The following METTL16 variants were observed in gnomAD, a reference collection of about 807,000 sequenced individuals.
METTL16 encodes methyltransferase 16, RNA N6-adenosine.
In METTL16, 19 loss-of-function variants were observed where a neutral mutation model predicts 57.9. The observed-to-expected ratio is 0.33, with a 90% CI of 0.23 to 0.48. The LOEUF is 0.48. Ranked by LOEUF, METTL16 falls within the 20% of genes least tolerant of loss-of-function variation. The pLI is 0.99. For missense variants in METTL16, 434 were observed against 691.5 expected, an observed-to-expected ratio of 0.63 and a Z score of 4.18; for synonymous variants, 246 against 255.6, an observed-to-expected ratio of 0.96 and a Z score of 0.36.
intron 6 of METTL16, among the ~76,000 whole-genome samples, chr17:2,455,685 G>A (rs1406002043): frequency 6.6e-6 from 1 of 152,052 alleles, no homozygotes; most frequent in East Asian, 1.9e-4. Flanking sequence ...ATTCATCAAA[G>A]AAAATAAGGT....
At chr17:2,461,276 G>T (rs1272661653) in intron 6 of METTL16, among the ~76,000 whole-genome samples, 1 of 152,002 alleles carries the variant, frequency 6.6e-6, no homozygotes, top group Non-Finnish European at 1.5e-5. Flanking sequence ...AGAATTGTTT[G>T]AAACTGGGAA....
intron 7 of METTL16, 79 bp from the exon 8 acceptor site, chr17:2,438,277 T>C: frequency 9.9e-7 from 1 of 1,012,912 alleles, no homozygotes; most frequent in Non-Finnish European, 1.6e-6. Context: ...TCATGCCATA[T>C]TATGTTGATC....
At chr17:2,493,129 CTTT>C (rs764351584) in intron 2 of METTL16, among the ~76,000 whole-genome samples, 3 of 132,876 alleles carry the variant, frequency 2.3e-5, no homozygotes, top group East Asian at 2.3e-4. Context: ...GGTGATTCTT[CTTT>C]TTTTTTTTTT....
intron 6 of METTL16, among the ~76,000 whole-genome samples, chr17:2,449,491 A>G (rs2067052531): frequency 6.6e-6 from 1 of 152,138 alleles, no homozygotes; most frequent in Non-Finnish European, 1.5e-5. Flanking sequence ...TACAGGCGTG[A>G]GCCACCATGT....
intron 2 of METTL16, among the ~76,000 whole-genome samples, chr17:2,489,332 T>A (rs1249713755): frequency 6.6e-6 from 1 of 151,898 alleles, no homozygotes; most frequent in Admixed American, 6.6e-5. Flanking sequence ...TCCAAACACC[T>A]CTTTGCCCTT....
intron 2 of METTL16, among the ~76,000 whole-genome samples, chr17:2,480,014 C>T (rs1301373694): frequency 6.6e-6 from 1 of 151,562 alleles, no homozygotes; most frequent in Non-Finnish European, 1.5e-5. Context: ...TGGAGAAACC[C>T]CAACTCTACT....
chr17:2,466,908 T>C (rs2067202255), intron 5 of METTL16, among the ~76,000 whole-genome samples: 1 of 152,086 alleles, frequency 6.6e-6, no homozygotes, highest in South Asian at 2.1e-4. Context: ...GCTCAAGCCT[T>C]CCTCCCACCT....
chr17:2,494,547 CTT>C (rs1290301346), intron 2 of METTL16, among the ~76,000 whole-genome samples: 5 of 151,964 alleles, frequency 3.3e-5, no homozygotes, highest in Admixed American at 3.3e-4. Context: ...GATCAGTGGT[CTT>C]TGTTTTTTGT....
At chr17:2,467,108 A>C (rs1228078061) in intron 5 of METTL16, among the ~76,000 whole-genome samples, 4 of 152,078 alleles carry the variant, frequency 2.6e-5, no homozygotes, top group African/African-American at 9.7e-5. Flanking sequence ...CAAGCTTCCC[A>C]ATGCTTTCAA....
chr17:2,451,902 T>C (rs1383915049), intron 6 of METTL16, among the ~76,000 whole-genome samples: 3 of 151,970 alleles, frequency 2.0e-5, no homozygotes, highest in Non-Finnish European at 2.9e-5. Flanking sequence ...CCCCAGCACT[T>C]TGGGAGGCCG....
intron 8 of METTL16, among the ~76,000 whole-genome samples, chr17:2,431,839 TAGAAATAACAACGGAGCAAG>T (rs1165193579): frequency 3.9e-5 from 6 of 152,190 alleles, no homozygotes; most frequent in Admixed American, 1.3e-4. Flanking sequence ...CCATAATTTG[TAGAAATAACAACGGAGCAAG>T]AGAAATAACA....
chr17:2,490,351 T>A (rs2067378313), intron 2 of METTL16, among the ~76,000 whole-genome samples: 1 of 152,220 alleles, frequency 6.6e-6, no homozygotes, highest in East Asian at 1.9e-4. Flanking sequence ...GTATTACAGC[T>A]TTTGTAACTT....
At chr17:2,474,392 A>AAAAAAAAAAAAAAAAAAG (rs2067255833) in intron 3 of METTL16, among the ~76,000 whole-genome samples, 2 of 150,686 alleles carry the variant, frequency 1.3e-5, no homozygotes, top group Admixed American at 6.6e-5. Flanking sequence ...AAAAGAAAAA[A>AAAAAAAAAAAAAAAAAAG]AAAAAAAAAA....
At chr17:2,464,116 C>A in intron 6 of METTL16, 92 bp downstream of exon 6, 1 of 1,349,706 alleles carries the variant, frequency 7.4e-7, no homozygotes, top group East Asian at 2.4e-5. Flanking sequence ...GAGCAAGACT[C>A]TGTCCCCCGC....
At chr17:2,506,539 C>T (rs1246782220) in intron 1 of METTL16, among the ~76,000 whole-genome samples, 3 of 150,582 alleles carry the variant, frequency 2.0e-5, no homozygotes, top group African/African-American at 4.9e-5. Context: ...CCGCCAGCCT[C>T]GGCCTCCCAA....
rs2066737454 is a variant in METTL16, at chr17:2,418,566, GACA to G, written c.*1401_*1403del. The G allele has an allele frequency of 1.3e-5, 2 of 152,308 alleles. No individual in the cohort carries two copies. Among genetic ancestry groups the G allele is most frequent in the African/African-American group, 4.8e-5 (2 of 41,456 alleles). The allele number at this position is 152,308 out of a possible 1,614,324, so 9.4% of individuals were successfully genotyped here. ...GATCGCACCACGGCACTCCAGCCTA[GACA>G]ACAAGAGTAAAACTCCACCTCATAA... On this transcript the variant is annotated 3_prime_UTR_variant, in exon 10 of 10. Transcript: ENST00000263092.
chr17:2,426,225 C>T (rs1334219490), intron 8 of METTL16, among the ~76,000 whole-genome samples: 2 of 151,926 alleles, frequency 1.3e-5, no homozygotes, highest in African/African-American at 4.8e-5. Context: ...GTGCAGTGGC[C>T]GTCTGTTTTT....
chr17:2,470,672 G>A lies in METTL16; in HGVS notation c.470-2796C>T, dbSNP rs551306783. ...AAAAAAACACAAAAATTAGCCAGGC[G>A]TGGTGGCACGCACTGGCAGTCTCAG... is the stretch of plus-strand genomic sequence containing the variant. On this transcript the variant is annotated intron_variant, in intron 4 of 9. Coordinates refer to ENST00000263092, the MANE Select transcript of METTL16 (RefSeq NM_024086.4). 9.9e-5 allele frequency among the ~76,000 whole-genome samples: 15 copies of A among 152,250 alleles called. No homozygotes were observed. The South Asian group carries it at 2.3e-3, about 23-fold the overall frequency.
intron 6 of METTL16, among the ~76,000 whole-genome samples, chr17:2,443,203 G>A (rs2066966680): frequency 1.3e-5 from 2 of 152,062 alleles, no homozygotes; most frequent in Admixed American, 6.6e-5. Context: ...ATGTTGGACA[G>A]GCTGGTCTCA....
Sources: allele counts gnomAD v4.1 joint callset (sites outside exome capture counted in the v4.1 genomes callset), GRCh38; gene constraint gnomAD v4.1.1; transcripts MANE v1.5; gene names NCBI Gene and HGNC (gene_info 2026-07-23, HGNC 2026-07-21).